Variants in ITSN1 observed in about 807,000 individuals in gnomAD.
ITSN1 encodes the protein intersectin 1.
A neutral mutation model predicts 239.8 loss-of-function variants in ITSN1; 58 were observed. The ratio of observed to expected loss-of-function variants is 0.24; its 90% CI spans 0.20 to 0.30. The LOEUF (loss-of-function observed/expected upper bound fraction) is 0.30. Among genes scored for constraint, ITSN1 ranks in the 10% least tolerant of loss-of-function variants. The pLI is 1.00. For missense variants in ITSN1, 1,558 were observed against 2,103.3 expected (o/e 0.74, Z 5.07); for synonymous variants, 780 against 770.8 (o/e 1.01, Z -0.20).
chr21:33,815,747 G>A (rs2073222647), intron 22 of ITSN1, among the ~76,000 whole-genome samples: 1 of 152,154 alleles, frequency 6.6e-6, no homozygotes, highest in African/African-American at 2.4e-5. Context: ...TCTGGATGAG[G>A]AAGAGTGAAG....
intron 1 of ITSN1, among the ~76,000 whole-genome samples, chr21:33,702,378 A>G (rs2092065300): frequency 6.6e-6 from 1 of 152,072 alleles, no homozygotes; most frequent in Non-Finnish European, 1.5e-5. Context: ...CGGACTCCCA[A>G]AGTGCTGGGT....
chr21:33,790,598 AT>A (rs1204238178), intron 16 of ITSN1, among the ~76,000 whole-genome samples: 11 of 152,314 alleles, frequency 7.2e-5, no homozygotes, highest in Admixed American at 7.2e-4. Context: ...AGAAAAAAAA[AT>A]CACTTAACTT....
In ITSN1 at chr21:33,750,703, C is replaced by T. The variant is rs117362468; in HGVS notation, c.526+381C>T. On this transcript the variant is annotated intron_variant, in intron 6 of 39. Transcript: ENST00000381318. ...CCACTATGAATTGCTAATAAGCAAG[C>T]CAATCCCCTAGGAATAGAACTATGT... 1.3e-4 allele frequency among the ~76,000 whole-genome samples: 20 copies of T among 152,214 alleles called. No individual in the cohort carries two copies. The East Asian group carries it at 3.7e-3, about 28-fold the overall frequency.
At chr21:33,707,473 C>G (rs2092288005) in intron 1 of ITSN1, among the ~76,000 whole-genome samples, 1 of 152,060 alleles carries the variant, frequency 6.6e-6, no homozygotes, top group African/African-American at 2.4e-5. Flanking sequence ...GAGCATATGC[C>G]TGTGAAATCA....
chr21:33,681,879 A>G (rs1465932932), intron 1 of ITSN1, among the ~76,000 whole-genome samples: 1 of 151,836 alleles, frequency 6.6e-6, no homozygotes, highest in Non-Finnish European at 1.5e-5. Flanking sequence ...CGTGTTAACC[A>G]GGGTGGTCTT....
intron 22 of ITSN1, among the ~76,000 whole-genome samples, chr21:33,817,057 G>T (rs1265335427): frequency 6.6e-6 from 1 of 152,052 alleles, no homozygotes; most frequent in Non-Finnish European, 1.5e-5. Context: ...GACTTCTAAA[G>T]GCATGTACAA....
At chr21:33,653,506 T>C (rs1175279526) in intron 1 of ITSN1, among the ~76,000 whole-genome samples, 1 of 152,118 alleles carries the variant, frequency 6.6e-6, no homozygotes. Flanking sequence ...TATAATTTAT[T>C]TTTAACTTGT....
intron 38 of ITSN1, among the ~76,000 whole-genome samples, chr21:33,885,982 G>A (rs1246947454): frequency 2.6e-5 from 4 of 152,100 alleles, no homozygotes; most frequent in Non-Finnish European, 5.9e-5. Context: ...CAAAGCAGGT[G>A]GATCACCTGA....
At chr21:33,744,538 T>G (rs2067067436) in intron 5 of ITSN1, among the ~76,000 whole-genome samples, 2 of 152,160 alleles carry the variant, frequency 1.3e-5, no homozygotes, top group Non-Finnish European at 2.9e-5. Context: ...TGAGCATCCT[T>G]AGCGTCCAGA....
chr21:33,703,210 G>T (rs1601729670), intron 1 of ITSN1, among the ~76,000 whole-genome samples: 1 of 150,910 alleles, frequency 6.6e-6, no homozygotes, highest in East Asian at 1.9e-4. Context: ...AAATAAAGTT[G>T]TTTTAAGGAT....
chr21:33,808,632 A>T (rs564610095), intron 20 of ITSN1, among the ~76,000 whole-genome samples: 2 of 152,212 alleles, frequency 1.3e-5, no homozygotes, highest in East Asian at 3.9e-4. Context: ...GCATTGGTGT[A>T]AATATTTGTC....
intron 8 of ITSN1, among the ~76,000 whole-genome samples, chr21:33,760,115 A>AG (rs1555903112): frequency 1.3e-5 from 2 of 151,720 alleles, no homozygotes; most frequent in East Asian, 1.9e-4. Flanking sequence ...CTCAAAAAAA[A>AG]AAAAGAAAAG....
chr21:33,822,344 T>G (rs1057392091), intron 24 of ITSN1, among the ~76,000 whole-genome samples: 1 of 152,202 alleles, frequency 6.6e-6, no homozygotes, highest in African/African-American at 2.4e-5. Context: ...GGCTCGACAT[T>G]AAAGGAACAT....
intron 29 of ITSN1, chr21:33,837,618 T>C (rs1414419400): frequency 1.0e-6 from 1 of 985,814 alleles, no homozygotes; most frequent in Non-Finnish European, 1.2e-6. Context: ...TTTGTGCTTG[T>C]TTGTGTGTAT....
intron 22 of ITSN1, chr21:33,814,435 G>GA (rs2073129859): frequency 4.4e-6 from 1 of 226,154 alleles, no homozygotes; most frequent in South Asian, 9.6e-5. Flanking sequence ...TGTATTTAAG[G>GA]AAAATCACAT....
intron 1 of ITSN1, among the ~76,000 whole-genome samples, chr21:33,693,644 A>C (rs544963923): frequency 6.6e-6 from 1 of 152,138 alleles, no homozygotes; most frequent in Non-Finnish European, 1.5e-5. Flanking sequence ...GGCGTGAGCC[A>C]CTGTACCCAG....
chr21:33,792,757 G>A (rs940084619), intron 16 of ITSN1, among the ~76,000 whole-genome samples: 1 of 151,928 alleles, frequency 6.6e-6, no homozygotes. Context: ...CACATGTCAG[G>A]TCTGCTGCCA....
At chr21:33,854,996 C>T (rs1403036749) in intron 29 of ITSN1, among the ~76,000 whole-genome samples, 1 of 152,166 alleles carries the variant, frequency 6.6e-6, no homozygotes, top group African/African-American at 2.4e-5. Context: ...ACGGACAAAA[C>T]CAAGGGCTGG....
chr21:33,715,079 AAAT>A (rs1448233005), intron 1 of ITSN1, among the ~76,000 whole-genome samples: 4 of 152,184 alleles, frequency 2.6e-5, no homozygotes, highest in South Asian at 2.1e-4. Context: ...TAAATATGGT[AAAT>A]AATCTTTACT....
Sources: allele counts gnomAD v4.1 joint callset (sites outside exome capture counted in the v4.1 genomes callset), GRCh38; gene constraint gnomAD v4.1.1; transcripts MANE v1.5; gene names NCBI Gene and HGNC (gene_info 2026-07-23, HGNC 2026-07-21).